The following SGMS2 variants were observed in gnomAD, a reference collection of about 807,000 sequenced individuals.
SGMS2 encodes sphingomyelin synthase 2.
Under a neutral mutation model 43.8 loss-of-function variants are expected in SGMS2, and 21 were observed. The ratio of observed to expected loss-of-function variants is 0.48; its 90% confidence interval spans 0.34 to 0.69. The LOEUF is 0.69. Among genes scored for constraint, SGMS2 ranks in the 30% least tolerant of loss-of-function variants. SGMS2 has a pLI of 0.01. For missense variants in SGMS2, 384 were observed against 443.2 expected (o/e 0.87, Z 1.20); for synonymous variants, 167 against 160.6 (o/e 1.04, Z -0.30).
chr4:107,908,100 G>C (rs1731750448), intron 5 of SGMS2: 1 of 157,842 alleles, frequency 6.3e-6, no homozygotes, highest in African/African-American at 2.4e-5. Flanking sequence ...CATACCCCTG[G>C]AGAAATAATA....
chr4:107,870,264 CTG>C (rs1489218003), intron 2 of SGMS2, among the ~76,000 whole-genome samples: 1 of 152,026 alleles, frequency 6.6e-6, no homozygotes, highest in Non-Finnish European at 1.5e-5. Flanking sequence ...TAAGAGATGT[CTG>C]TGAAAAGAAA....
At chr4:107,852,774 G>A (rs530254797) in intron 1 of SGMS2, among the ~76,000 whole-genome samples, 10 of 148,832 alleles carry the variant, frequency 6.7e-5, no homozygotes, top group Non-Finnish European at 1.0e-4. Context: ...TACTGGCAAT[G>A]TCTTGGTTAA....
chr4:107,863,142 T>C (rs1727857336), intron 2 of SGMS2, among the ~76,000 whole-genome samples: 1 of 152,110 alleles, frequency 6.6e-6, no homozygotes, highest in African/African-American at 2.4e-5. Context: ...AGGATGGAAA[T>C]CCATTGCCCT....
chr4:107,859,115 A>G (rs1727589707), intron 2 of SGMS2, among the ~76,000 whole-genome samples: 1 of 152,228 alleles, frequency 6.6e-6, no homozygotes, highest in Non-Finnish European at 1.5e-5. Flanking sequence ...TTCACTGCCT[A>G]GAGTACTTGG....
chr4:107,864,651 A>G (rs7672043), intron 2 of SGMS2, among the ~76,000 whole-genome samples: 82,575 of 152,120 alleles, frequency 0.54, 23,392 homozygotes, highest in African/African-American at 0.67. Flanking sequence ...ATTAAGGTGT[A>G]TAACATGATA....
intron 2 of SGMS2, among the ~76,000 whole-genome samples, chr4:107,865,113 C>T (rs944514967): frequency 6.6e-6 from 1 of 152,132 alleles, no homozygotes; most frequent in East Asian, 1.9e-4. Flanking sequence ...CGATAGAATT[C>T]ACGTTGTTTA....
At chr4:107,837,328 G>A (rs2125993094) in intron 1 of SGMS2, among the ~76,000 whole-genome samples, 1 of 152,294 alleles carries the variant, frequency 6.6e-6, no homozygotes, top group South Asian at 2.1e-4. Flanking sequence ...AGTGACTGGG[G>A]CAGCCTACCC....
intron 5 of SGMS2, among the ~76,000 whole-genome samples, chr4:107,905,757 A>G (rs903026732): frequency 1.3e-5 from 2 of 152,196 alleles, no homozygotes; most frequent in Non-Finnish European, 1.5e-5. Flanking sequence ...GGAATAGTCT[A>G]CTTATCTATA....
At chr4:107,837,383 T>A (rs941227140) in intron 1 of SGMS2, among the ~76,000 whole-genome samples, 1 of 152,136 alleles carries the variant, frequency 6.6e-6, no homozygotes, top group Non-Finnish European at 1.5e-5. Context: ...AGATTTACAC[T>A]GAGTTGTAAA....
chr4:107,847,713 CAG>C (rs1244377462), intron 1 of SGMS2, among the ~76,000 whole-genome samples: 1 of 152,084 alleles, frequency 6.6e-6, no homozygotes, highest in Non-Finnish European at 1.5e-5. Flanking sequence ...TTTGTGAAAA[CAG>C]ATTATTGTTG....
At chr4:107,853,173 C>T (rs920966629) in intron 1 of SGMS2, among the ~76,000 whole-genome samples, 2 of 152,032 alleles carry the variant, frequency 1.3e-5, no homozygotes, top group African/African-American at 4.8e-5. Context: ...TGCCAATTGT[C>T]TGGGCCATGG....
chr4:107,839,241 C>T (rs1272801574), intron 1 of SGMS2, among the ~76,000 whole-genome samples: 1 of 152,160 alleles, frequency 6.6e-6, no homozygotes, highest in Non-Finnish European at 1.5e-5. Context: ...ACTTAAGTAT[C>T]TTAGAGACCT....
intron 4 of SGMS2, among the ~76,000 whole-genome samples, chr4:107,900,560 G>A (rs539571058): frequency 6.6e-6 from 1 of 152,210 alleles, no homozygotes; most frequent in South Asian, 2.1e-4. Flanking sequence ...CTGAGATAGT[G>A]TGTGAGGATG....
At chr4:107,826,635 C>T (rs1391860204) in intron 1 of SGMS2, among the ~76,000 whole-genome samples, 1 of 151,386 alleles carries the variant, frequency 6.6e-6, no homozygotes, top group Non-Finnish European at 1.5e-5. Flanking sequence ...TCTTACTTCA[C>T]AATAGTCTGG....
intron 5 of SGMS2, among the ~76,000 whole-genome samples, chr4:107,907,700 AAATGT>A (rs1367523157): frequency 6.6e-6 from 1 of 152,242 alleles, no homozygotes; most frequent in Non-Finnish European, 1.5e-5. Context: ...ATATCACTAT[AAATGT>A]AAACATAGTT....
intron 2 of SGMS2, among the ~76,000 whole-genome samples, chr4:107,875,442 G>A (rs1447532842): frequency 6.6e-6 from 1 of 152,236 alleles, no homozygotes; most frequent in South Asian, 2.1e-4. Context: ...ACTTATAAGT[G>A]GAAGCTAAAT....
intron 1 of SGMS2, among the ~76,000 whole-genome samples, chr4:107,833,252 G>A (rs1428160089): frequency 1.3e-5 from 2 of 152,106 alleles, no homozygotes; most frequent in African/African-American, 4.8e-5. Context: ...GTTTTCATTT[G>A]TTGTAAATTA....
At chr4:107,875,205 A>G (rs565227587) in intron 2 of SGMS2, among the ~76,000 whole-genome samples, 25 of 152,202 alleles carry the variant, frequency 1.6e-4, no homozygotes, top group Non-Finnish European at 2.9e-4. Flanking sequence ...ACACATGCAC[A>G]TGTCTGTTCA....
At chr4:107,847,678 G>A (rs977908336) in intron 1 of SGMS2, among the ~76,000 whole-genome samples, 1 of 152,090 alleles carries the variant, frequency 6.6e-6, no homozygotes, top group Non-Finnish European at 1.5e-5. Context: ...CTTAAACCAC[G>A]TAATTGGAGT....
Sources: allele counts gnomAD v4.1 joint callset (sites outside exome capture counted in the v4.1 genomes callset), GRCh38; gene constraint gnomAD v4.1.1; transcripts MANE v1.5; gene names NCBI Gene and HGNC (gene_info 2026-07-23, HGNC 2026-07-21).